The following NPAS3 variants were observed in gnomAD, a reference collection of about 807,000 sequenced individuals.
NPAS3 encodes neuronal PAS domain-containing protein 3.
NPAS3 carries 14 observed loss-of-function variants against 73.1 expected under a neutral mutation model. The ratio of observed to expected loss-of-function variants is 0.19; its 90% CI spans 0.13 to 0.30. NPAS3 has a LOEUF of 0.30. Ranked by LOEUF, NPAS3 falls within the 10% of genes least tolerant of loss-of-function variation. The pLI is 1.00. For synonymous variants in NPAS3, 620 were observed against 541.5 expected, an observed-to-expected ratio of 1.14 and a Z score of -2.01; for missense variants, 1,096 against 1,250.0, an observed-to-expected ratio of 0.88 and a Z score of 1.86.
chr14:32,936,083 T>C (rs2035686886), upstream of NPAS3, among the ~76,000 whole-genome samples: 1 of 152,254 alleles, frequency 6.6e-6, no homozygotes, highest in South Asian at 2.1e-4. Context: ...TTTTACCTTG[T>C]ATTTCAAACT....
chr14:33,800,217 T>A lies in NPAS3; in HGVS notation c.1910T>A (p.Leu637Gln). 6.2e-7 allele frequency: 1 copy of A among 1,612,514 alleles called. No homozygotes were observed. The highest frequency in any genetic ancestry group is 8.5e-7 in the Non-Finnish European group (1 of 1,179,550). ...GGCCTGGTGGAGCCCCCGCGGCTGC[T>A]GTCCTCCCCCAACAGTGCCTCGGTG... Residue 637 changes from leucine to glutamine, a missense_variant, in exon 12 of 12, where the codon CTG (leucine) becomes CAG (glutamine). Coordinates refer to ENST00000356141, the Ensembl canonical transcript of NPAS3. The surrounding 1 kb of genome is among the most constrained non-coding windows in gnomAD (Gnocchi z 6.5).
intron 2 of NPAS3, among the ~76,000 whole-genome samples, chr14:33,088,494 G>A (rs2042111043): frequency 6.6e-6 from 1 of 152,224 alleles, no homozygotes; most frequent in Non-Finnish European, 1.5e-5. Context: ...TGGGGTTAGG[G>A]GTGCCCGCCA....
At chr14:33,329,867 TAGTA>T (rs1266338792) in intron 3 of NPAS3, among the ~76,000 whole-genome samples, 1 of 152,082 alleles carries the variant, frequency 6.6e-6, no homozygotes. Context: ...GCCTGGAACA[TAGTA>T]AGTGTTACAT....
chr14:33,147,733 AT>A (rs1566610309), intron 2 of NPAS3, among the ~76,000 whole-genome samples: 171 of 135,162 alleles, frequency 1.3e-3, no homozygotes, highest in African/African-American at 4.3e-3. Flanking sequence ...AATAAAAAAT[AT>A]ATATATATAT....
intron 2 of NPAS3, among the ~76,000 whole-genome samples, chr14:33,182,118 A>G (rs1257708265): frequency 2.0e-5 from 3 of 152,234 alleles, no homozygotes; most frequent in Non-Finnish European, 2.9e-5. Context: ...TAGGTAATCA[A>G]TAAATGATTG....
intron 3 of NPAS3, among the ~76,000 whole-genome samples, chr14:33,284,026 C>G (rs1171384607): frequency 6.6e-6 from 1 of 152,108 alleles, no homozygotes; most frequent in African/African-American, 2.4e-5. Context: ...TCCTTTTTCT[C>G]CTTTCTTCAT....
At chr14:33,394,059 C>T (rs182247561) in intron 4 of NPAS3, among the ~76,000 whole-genome samples, 1 of 152,232 alleles carries the variant, frequency 6.6e-6, no homozygotes, top group African/African-American at 2.4e-5. Context: ...GATTTTATGG[C>T]CTCTTCTTTA....
At chr14:33,184,736 G>A (rs1453869239) in intron 2 of NPAS3, among the ~76,000 whole-genome samples, 1 of 152,110 alleles carries the variant, frequency 6.6e-6, no homozygotes, top group Non-Finnish European at 1.5e-5. Flanking sequence ...ATTGTTAGGG[G>A]AAGAAGAAAT....
intron 4 of NPAS3, among the ~76,000 whole-genome samples, chr14:33,404,414 C>T (rs892618679): frequency 6.6e-6 from 1 of 152,094 alleles, no homozygotes; most frequent in African/African-American, 2.4e-5. Flanking sequence ...TAGTATTTAA[C>T]ACACCCAGGC....
intron 2 of NPAS3, among the ~76,000 whole-genome samples, chr14:33,123,974 C>T (rs2043332734): frequency 6.6e-6 from 1 of 151,036 alleles, no homozygotes; most frequent in Non-Finnish European, 1.5e-5. Flanking sequence ...TGTTCTCGTG[C>T]CTCAGCCTCC....
At chr14:32,986,019 G>GAGTCC (rs2038081885) in intron 1 of NPAS3, among the ~76,000 whole-genome samples, 1 of 152,176 alleles carries the variant, frequency 6.6e-6, no homozygotes, top group Admixed American at 6.6e-5. Flanking sequence ...ACAGCCCTGA[G>GAGTCC]AGTCCACATG....
chr14:33,784,751 T>TTTTTTTTTTTTTTTTTTTTTTTA (rs2063110602), intron 9 of NPAS3, among the ~76,000 whole-genome samples: 1 of 114,876 alleles, frequency 8.7e-6, no homozygotes. Flanking sequence ...ATTTATTTTT[T>TTTTTTTTTTTTTTTTTTTTTTTA]TTTTTTTTTT....
intron 4 of NPAS3, among the ~76,000 whole-genome samples, chr14:33,430,366 G>C (rs1363785494): frequency 1.3e-5 from 2 of 152,028 alleles, no homozygotes; most frequent in Non-Finnish European, 2.9e-5. Flanking sequence ...GGTTATAGTT[G>C]TCTTTGACTT....
chr14:33,324,293 G>C (rs139890026), intron 3 of NPAS3, among the ~76,000 whole-genome samples: 3 of 152,290 alleles, frequency 2.0e-5, no homozygotes, highest in Admixed American at 1.3e-4. Flanking sequence ...AGGACGAAAA[G>C]CTTCACATGA....
chr14:33,054,309 C>T (rs1244984959), intron 1 of NPAS3, among the ~76,000 whole-genome samples: 4 of 152,080 alleles, frequency 2.6e-5, no homozygotes, highest in Non-Finnish European at 5.9e-5. Flanking sequence ...CAATAATCAA[C>T]ATGGGGCTTA....
At chr14:32,964,646 C>T (rs2037074661) in intron 1 of NPAS3, among the ~76,000 whole-genome samples, 1 of 152,128 alleles carries the variant, frequency 6.6e-6, no homozygotes, top group South Asian at 2.1e-4. Flanking sequence ...AAAGGTTATA[C>T]ATTTTAAAAT....
intron 2 of NPAS3, among the ~76,000 whole-genome samples, chr14:33,152,586 C>G (rs1389310061): frequency 1.3e-5 from 2 of 152,046 alleles, no homozygotes; most frequent in Non-Finnish European, 2.9e-5. Context: ...CTAAAAATGT[C>G]TCTATTACAT....
intron 6 of NPAS3, among the ~76,000 whole-genome samples, chr14:33,717,573 C>T (rs754845520): frequency 6.6e-6 from 1 of 151,986 alleles, no homozygotes; most frequent in Non-Finnish European, 1.5e-5. Flanking sequence ...AAAATCACCC[C>T]AAATTCCTGC....
rs572219316 is a variant in NPAS3, at chr14:33,424,685, G to A, written c.468+57417G>A. On this transcript the variant is annotated intron_variant, in intron 4 of 11. Transcript: ENST00000356141. ...TTCTCCCTTGGACAGCAAAGGGAAGGTGATGCCAATCCATAAGTTAGGGAA... is the reference window on the plus strand; with the variant it reads ...TTCTCCCTTGGACAGCAAAGGGAAGATGATGCCAATCCATAAGTTAGGGAA... Among the ~76,000 whole-genome samples, 125 of 151,922 alleles carry A rather than the reference G, an allele frequency of 8.2e-4. 1 individual carries two copies. Among genetic ancestry groups the A allele is most frequent in the African/African-American group, 2.7e-3 (111 of 41,456 alleles).
Sources: allele counts gnomAD v4.1 joint callset (sites outside exome capture counted in the v4.1 genomes callset), GRCh38; gene constraint gnomAD v4.1.1; non-coding constraint Gnocchi (gnomAD v3.1); transcripts MANE v1.5; gene names NCBI Gene and HGNC (gene_info 2026-07-23, HGNC 2026-07-21).